Variants in MCM9 observed in about 807,000 individuals in gnomAD.
MCM9 encodes the protein DNA helicase MCM9.
Under a neutral mutation model 72.8 loss-of-function variants are expected in MCM9, and 55 were observed. The ratio of observed to expected loss-of-function variants is 0.76; its 90% CI spans 0.61 to 0.95. The LOEUF (loss-of-function observed/expected upper bound fraction) is 0.95, where lower values mean the gene tolerates loss of function less well. Ranked by LOEUF, MCM9 falls within the 40% of genes least tolerant of loss-of-function variation. MCM9 has a pLI of 0.00. For missense variants in MCM9, 1,279 were observed against 1,377.0 expected (o/e 0.93, Z 1.13); for synonymous variants, 480 against 503.4 (o/e 0.95, Z 0.62).
intron 8 of MCM9, among the ~76,000 whole-genome samples, chr6:118,868,000 CAGAGT>C (rs1421853549): frequency 1.3e-5 from 2 of 151,740 alleles, no homozygotes; most frequent in African/African-American, 4.8e-5. Context: ...CCTCAGCCTC[CAGAGT>C]AGTTGGGACT....
chr6:118,930,260 G>A (rs185313551), intron 3 of MCM9, among the ~76,000 whole-genome samples: 323 of 152,066 alleles, frequency 2.1e-3, no homozygotes, highest in Middle Eastern at 0.02. Context: ...ACAGGCGCCC[G>A]CCACCATGCC....
Position 118,816,043 on chromosome 6 carries a change from C to T in MCM9, c.2213G>A (p.Arg738Lys). ...RKHSAQHKNN[R>K]DDSLDWFDFM... ...ATCAAACCAATCTAAACTGTCATCT[C>T]TGTTATTTTTGTGCTGAGCTGAATG... The change falls in exon 14 of 14, where the codon AGA (arginine) becomes AAA (lysine). Residue 738 changes from arginine (R) to lysine (K), a missense_variant. Coordinates refer to ENST00000619706, the MANE Select transcript of MCM9 (RefSeq NM_017696.3). 1 of 1,550,416 alleles carries T rather than the reference C, an allele frequency of 6.4e-7. No homozygotes were observed. The highest frequency in any genetic ancestry group is 1.2e-5 in the South Asian group (1 of 84,036).
chr6:118,907,352 G>C (rs1780250419), intron 8 of MCM9: 1 of 1,311,812 alleles, frequency 7.6e-7, no homozygotes. Context: ...TGTATATGGT[G>C]ATTTAACTTT....
intron 9 of MCM9, among the ~76,000 whole-genome samples, chr6:118,842,111 G>C (rs892156461): frequency 1.3e-5 from 2 of 152,172 alleles, no homozygotes; most frequent in African/African-American, 4.8e-5. Context: ...GGCATTACAG[G>C]CGTGAGACAC....
intron 4 of MCM9, among the ~76,000 whole-genome samples, chr6:118,923,210 A>T (rs968601604): frequency 2.6e-5 from 4 of 152,086 alleles, no homozygotes; most frequent in Non-Finnish European, 4.4e-5. Context: ...CTTGTTAAAG[A>T]GTGTTTACAA....
chr6:118,848,314 T>A (rs1331014542), intron 9 of MCM9, among the ~76,000 whole-genome samples: 1 of 151,858 alleles, frequency 6.6e-6, no homozygotes, highest in African/African-American at 2.4e-5. Context: ...TGATATTATT[T>A]AAAGTTCCCA....
intron 8 of MCM9, among the ~76,000 whole-genome samples, chr6:118,872,632 G>GA (rs548385595): frequency 4.7e-5 from 7 of 150,066 alleles, no homozygotes; most frequent in African/African-American, 1.7e-4. Context: ...TACCTCTACA[G>GA]AAAAAAAAGT....
chr6:118,918,767 C>T (rs889520755), intron 5 of MCM9: 1 of 152,152 alleles, frequency 6.6e-6, no homozygotes, highest in African/African-American at 2.4e-5. Flanking sequence ...TCTTCATTTC[C>T]AAGCCTTTGT....
chr6:118,923,675 G>C (rs542123646), intron 4 of MCM9, 136 bp downstream of exon 4: 2 of 747,040 alleles, frequency 2.7e-6, no homozygotes, highest in African/African-American at 1.8e-5. Flanking sequence ...ATGTGGAACA[G>C]TTTCGAGCTT....
Position 118,923,793 on chromosome 6 carries a change from GTT to G in MCM9, c.621+16_621+17del. 6.2e-7 allele frequency: 1 copy of G among 1,604,806 alleles called. No homozygotes were observed. Among genetic ancestry groups the G allele is most frequent in the Non-Finnish European group, 8.5e-7 (1 of 1,172,568 alleles). On this transcript the variant is annotated intron_variant, in intron 4 of 13. Transcript: ENST00000619706. ...ACACTTCTTCAAATTTATTTATCTC[GTT>G]TATGTGATTATTTACCTGTTCCTGA... is the stretch of plus-strand genomic sequence containing the variant.
In MCM9 at chr6:118,814,936, C is replaced by T. The variant is rs767467581; in HGVS notation, c.3320G>A (p.Arg1107His). 1.4e-5 allele frequency: 22 copies of T among 1,535,830 alleles called. No homozygotes were observed. The highest frequency in any genetic ancestry group is 7.0e-5 in the African/African-American group (5 of 71,404). The change falls in exon 14 of 14, where the codon CGT (arginine) becomes CAT (histidine). Residue 1107 changes from arginine to histidine, a missense_variant. Coordinates refer to ENST00000619706, the MANE Select transcript of MCM9 (RefSeq NM_017696.3). ...AACAATCAGTTTCTCGGTGGACCCA[C>T]GGAGCTGAAAAGATTTCCTTTTACT... is the stretch of plus-strand genomic sequence containing the variant. Reference protein sequence around the residue: ...RVSKRKSFQLRGSTEKLIVSK... With the variant: ...RVSKRKSFQLHGSTEKLIVSK...
intron 1 of MCM9, chr6:118,934,294 G>A (rs934869144): frequency 2.0e-5 from 3 of 151,628 alleles, no homozygotes; most frequent in African/African-American, 2.4e-5. Flanking sequence ...ACACTGGAGG[G>A]ACTTTTTGTT....
chr6:118,883,528 C>T (rs1040089213), intron 8 of MCM9, among the ~76,000 whole-genome samples: 2 of 151,762 alleles, frequency 1.3e-5, no homozygotes, highest in African/African-American at 2.4e-5. Context: ...AAATCCACAC[C>T]CATAAATCAT....
At chr6:118,829,398 C>A in intron 9 of MCM9, 148 bp from the exon 10 acceptor site, 1 of 695,668 alleles carries the variant, frequency 1.4e-6, no homozygotes, top group Non-Finnish European at 2.3e-6. Flanking sequence ...GGAGATATCA[C>A]AAACATCAAC....
intron 8 of MCM9, chr6:118,907,487 C>G (rs754086680): frequency 6.2e-7 from 1 of 1,613,424 alleles, no homozygotes. Context: ...CTGGAAGATG[C>G]AGAGAGCAGT....
At chr6:118,829,451 T>C (rs1051197430) in intron 9 of MCM9, among the ~76,000 whole-genome samples, 1 of 152,222 alleles carries the variant, frequency 6.6e-6, no homozygotes, top group Non-Finnish European at 1.5e-5. Context: ...TAAAGAGAAG[T>C]AACCGTTCAA....
At chr6:118,913,768 G>GT (rs945661285) in intron 6 of MCM9, among the ~76,000 whole-genome samples, 3 of 151,532 alleles carry the variant, frequency 2.0e-5, no homozygotes, top group Non-Finnish European at 2.9e-5. Flanking sequence ...CCCAGCTAAT[G>GT]TTTTTTTTCT....
At position 118,813,850 on chromosome 6, in the gene MCM9, T is replaced by C. The variant is rs1773253272; in HGVS notation, c.*974A>G. 1.3e-5 allele frequency: 2 copies of C among 152,190 alleles called. No individual in the cohort carries two copies. Among genetic ancestry groups the C allele is most frequent in the South Asian group, 2.1e-4 (1 of 4,834 alleles). 9.4% of individuals were successfully genotyped at this position (152,190 alleles called of 1,614,324 possible). A position where few individuals can be genotyped will look rare whatever the true frequency, so the allele number is the denominator to read the frequency against. On this transcript the variant is annotated 3_prime_UTR_variant, in exon 14 of 14. Coordinates refer to ENST00000619706, the MANE Select transcript of MCM9 (RefSeq NM_017696.3). ...TTTCCATATTAACCAGCTGGGTAGA[T>C]GAGACATGATGTTTGATTGAGACTA...
intron 8 of MCM9, among the ~76,000 whole-genome samples, chr6:118,899,350 C>T (rs1345531846): frequency 2.0e-5 from 3 of 152,204 alleles, no homozygotes; most frequent in Non-Finnish European, 4.4e-5. Flanking sequence ...CCCTCATCCT[C>T]AATCATAGGG....
Sources: gnomAD v4.1 joint callset for allele counts (sites outside exome capture counted in the v4.1 genomes callset) on GRCh38, gnomAD v4.1.1 for gene constraint, MANE v1.5 for transcripts, NCBI Gene and HGNC (gene_info 2026-07-23, HGNC 2026-07-21) for gene names.